GALNTL6: variants seen among roughly 807,000 people sequenced by gnomAD.
The protein encoded by GALNTL6 is polypeptide N-acetylgalactosaminyltransferase like 6.
GALNTL6 carries 46 observed loss-of-function variants against 73.7 expected under a neutral mutation model. The observed-to-expected ratio is 0.62, with a 90% confidence interval of 0.49 to 0.80. The LOEUF is 0.80. Ranked by LOEUF, GALNTL6 falls within the 30% of genes least tolerant of loss-of-function variation. The pLI, the probability that GALNTL6 is intolerant of heterozygous loss-of-function variation, is 0.00. For synonymous variants in GALNTL6, 259 were observed against 263.7 expected, an observed-to-expected ratio of 0.98 and a Z score of 0.17; for missense variants, 604 against 755.0, an observed-to-expected ratio of 0.80 and a Z score of 2.34.
chr4:172,296,983 C>T (rs6855312), intron 3 of GALNTL6, among the ~76,000 whole-genome samples: 150,958 of 152,250 alleles, frequency 0.99, 74,853 homozygotes, highest in Middle Eastern at 1. Flanking sequence ...CCACCAACAG[C>T]GTAAAAGTGT....
chr4:172,342,478 T>A (rs1284265956), intron 4 of GALNTL6, among the ~76,000 whole-genome samples: 2 of 152,170 alleles, frequency 1.3e-5, no homozygotes, highest in Non-Finnish European at 2.9e-5. Context: ...CCCAGTACAA[T>A]GCCTTTCCAA....
intron 3 of GALNTL6, among the ~76,000 whole-genome samples, chr4:172,246,528 A>G (rs2131000): frequency 1.3e-5 from 2 of 152,092 alleles, no homozygotes; most frequent in African/African-American, 4.8e-5. Flanking sequence ...TTAATAAAAT[A>G]CTTTATAAAC....
intron 2 of GALNTL6, among the ~76,000 whole-genome samples, chr4:171,964,914 T>C (rs1739343507): frequency 1.3e-5 from 2 of 152,222 alleles, no homozygotes. Context: ...TCCCCCAAAA[T>C]TGGGACAGTT....
intron 7 of GALNTL6, among the ~76,000 whole-genome samples, chr4:172,820,756 C>T (rs996876414): frequency 9.9e-5 from 15 of 152,154 alleles, no homozygotes; most frequent in Non-Finnish European, 2.1e-4. Context: ...GATCTCCATG[C>T]AATTGCTACA....
chr4:171,846,062 C>A (rs1270820686), intron 2 of GALNTL6, among the ~76,000 whole-genome samples: 1 of 152,028 alleles, frequency 6.6e-6, no homozygotes, highest in East Asian at 1.9e-4. Flanking sequence ...TATTGCCTTT[C>A]CCATTTATTT....
intron 2 of GALNTL6, among the ~76,000 whole-genome samples, chr4:172,184,009 T>A (rs2110861734): frequency 6.6e-6 from 1 of 152,212 alleles, no homozygotes; most frequent in Admixed American, 6.5e-5. Flanking sequence ...GCCAGGATGG[T>A]CTCGATCTCC....
At chr4:172,835,506 G>A (rs1473340767) in intron 7 of GALNTL6, among the ~76,000 whole-genome samples, 1 of 152,210 alleles carries the variant, frequency 6.6e-6, no homozygotes, top group Non-Finnish European at 1.5e-5. Context: ...ACAGTGTGGA[G>A]TCCACACACG....
chr4:172,631,642 G>T (rs1409897343), intron 5 of GALNTL6, among the ~76,000 whole-genome samples: 1 of 152,076 alleles, frequency 6.6e-6, no homozygotes, highest in Admixed American at 6.6e-5. Context: ...AAAATTTCAG[G>T]AATATTATTC....
chr4:172,124,860 C>G (rs939494169), intron 2 of GALNTL6, among the ~76,000 whole-genome samples: 1 of 151,974 alleles, frequency 6.6e-6, no homozygotes, highest in African/African-American at 2.4e-5. Context: ...ATACATGGCT[C>G]TTAGTAACAG....
chr4:172,490,196 G>C (rs1463559821), intron 5 of GALNTL6, among the ~76,000 whole-genome samples: 1 of 152,042 alleles, frequency 6.6e-6, no homozygotes, highest in African/African-American at 2.4e-5. Flanking sequence ...TATTTGAGTT[G>C]AACTAAAAAT....
At chr4:172,617,688 A>G (rs552024777) in intron 5 of GALNTL6, among the ~76,000 whole-genome samples, 2 of 151,734 alleles carry the variant, frequency 1.3e-5, no homozygotes, top group East Asian at 3.9e-4. Flanking sequence ...CCACCGTGTT[A>G]GCCAGGATGG....
chr4:172,993,180 C>T (rs1751617706), intron 10 of GALNTL6, among the ~76,000 whole-genome samples: 1 of 152,120 alleles, frequency 6.6e-6, no homozygotes, highest in South Asian at 2.1e-4. Flanking sequence ...GAAACAGGTC[C>T]TAAGGGTGGT....
intron 5 of GALNTL6, among the ~76,000 whole-genome samples, chr4:172,728,486 G>GTATATGTACATATACAATGAAATA (rs555618426): frequency 9.8e-4 from 148 of 151,792 alleles, no homozygotes; most frequent in Admixed American, 2.8e-3. Flanking sequence ...ATATTTCATT[G>GTATATGTACATATACAATGAAATA]TATATGTACA....
At chr4:173,027,268 C>T (rs1753271979) in intron 12 of GALNTL6, among the ~76,000 whole-genome samples, 1 of 152,192 alleles carries the variant, frequency 6.6e-6, no homozygotes, top group Non-Finnish European at 1.5e-5. Flanking sequence ...CAGGCGTGAG[C>T]CACCGCGCCC....
chr4:172,284,188 A>G (rs932064986), intron 3 of GALNTL6, among the ~76,000 whole-genome samples: 1 of 152,240 alleles, frequency 6.6e-6, no homozygotes. Context: ...AAAATAGGCT[A>G]AGAATTCATA....
At chr4:171,933,608 A>G (rs2111000692) in intron 2 of GALNTL6, among the ~76,000 whole-genome samples, 1 of 152,300 alleles carries the variant, frequency 6.6e-6, no homozygotes, top group Admixed American at 6.5e-5. Flanking sequence ...TTTATTTCAC[A>G]TAAAATTCTG....
At chr4:172,253,552 C>T (rs1295321631) in intron 3 of GALNTL6, among the ~76,000 whole-genome samples, 2 of 151,792 alleles carry the variant, frequency 1.3e-5, no homozygotes, top group Admixed American at 6.6e-5. Context: ...GTGTGTAAGC[C>T]CTGCTATTCT....
intron 2 of GALNTL6, among the ~76,000 whole-genome samples, chr4:171,853,188 T>C (rs1735573372): frequency 2.0e-5 from 3 of 152,020 alleles, no homozygotes; most frequent in Non-Finnish European, 4.4e-5. Context: ...AAGGGTACTC[T>C]TCTCTGTCTC....
chr4:172,094,955 G>GT lies in GALNTL6; in HGVS notation c.139-134692dup, dbSNP rs1163757363. Among the ~76,000 whole-genome samples the GT allele has an allele frequency of 1.5e-3, 187 of 128,242 alleles. 1 individual carries two copies. The highest frequency in any genetic ancestry group is 4.4e-3 in the African/African-American group (151 of 34,072). 84.1% of individuals were successfully genotyped at this position (128,242 alleles called of 152,430 possible). ...TAAATCCCATAGTTTTTTGTTTTTT[G>GT]TTTTTTTTTCCTTGAATTTTCTGGA... On this transcript the variant is annotated intron_variant, in intron 2 of 12. Coordinates refer to ENST00000506823, the MANE Select transcript of GALNTL6 (RefSeq NM_001034845.3).
Sources: gnomAD v4.1 joint callset for allele counts (sites outside exome capture counted in the v4.1 genomes callset) on GRCh38, gnomAD v4.1.1 for gene constraint, MANE v1.5 for transcripts, NCBI Gene and HGNC (gene_info 2026-07-23, HGNC 2026-07-21) for gene names.